The following COL28A1 variants were observed in gnomAD, a reference collection of about 807,000 sequenced individuals.
COL28A1 encodes collagen alpha-1(XXVIII) chain.
COL28A1 carries 161 observed loss-of-function variants against 150.2 expected under a neutral mutation model. That is an observed-to-expected ratio of 1.07 (90% CI 0.94 to 1.22). COL28A1 has a LOEUF of 1.22. Ranked by LOEUF, COL28A1 falls within the 50% of genes most tolerant of loss-of-function variation. The pLI is 0.00. For missense variants in COL28A1, 1,617 were observed against 1,388.3 expected, an observed-to-expected ratio of 1.16 and a Z score of -2.62; for synonymous variants, 552 against 469.7, an observed-to-expected ratio of 1.18 and a Z score of -2.26.
chr7:7,503,817 G>C (rs1435230484), intron 11 of COL28A1, among the ~76,000 whole-genome samples: 1 of 152,140 alleles, frequency 6.6e-6, no homozygotes, highest in East Asian at 1.9e-4. Flanking sequence ...TGACTAGAAA[G>C]AAAAGGGGGA....
chr7:7,409,710 T>C (rs929637142), intron 27 of COL28A1, among the ~76,000 whole-genome samples: 8 of 152,330 alleles, frequency 5.3e-5, no homozygotes, highest in African/African-American at 1.9e-4. Context: ...GAAACTATAG[T>C]AAACCTTGAG....
At chr7:7,383,521 C>T (rs998109305) in intron 27 of COL28A1, among the ~76,000 whole-genome samples, 1 of 151,820 alleles carries the variant, frequency 6.6e-6, no homozygotes, top group Admixed American at 6.6e-5. Flanking sequence ...TTAGGTGATT[C>T]ACCTGCCTCG....
Position 7,531,605 on chromosome 7 carries a change from T to C in COL28A1, c.424A>G (p.Arg142Gly), listed in dbSNP as rs576001045. 2.5e-6 allele frequency: 4 copies of C among 1,605,554 alleles called. No individual in the cohort carries two copies. The highest frequency in any genetic ancestry group is 1.3e-5 in the African/African-American group (1 of 74,914). ...TTACGCCCTTCTCTCTTAAGTAGCC[T>C]AGTGGCATTGGAAATGGCATAATAA... is the stretch of plus-strand genomic sequence containing the variant. ...FSYYAISNAT[R>G]LLKREGRKDG... The change falls in exon 3 of 35, where the codon AGG becomes GGG. Residue 142 changes from arginine (R) to glycine (G), a missense_variant. Physicochemically the swap from Arg to Gly is moderately radical, Grantham distance 125. Coordinates refer to ENST00000399429, the MANE Select transcript of COL28A1 (RefSeq NM_001037763.3).
intron 27 of COL28A1, among the ~76,000 whole-genome samples, chr7:7,404,734 A>G (rs1487030714): frequency 6.6e-6 from 1 of 152,048 alleles, no homozygotes; most frequent in East Asian, 1.9e-4. Flanking sequence ...CTTCTAACAT[A>G]CTATATAATG....
At position 7,375,438 on chromosome 7, in the gene COL28A1, T is replaced by C. The variant is rs773197229; in HGVS notation, c.2359+23A>G. On this transcript the variant is annotated intron_variant, in intron 31 of 34. Transcript: ENST00000399429. ...GTGGGGCTGATGCTTTAAAGTGATG[T>C]TTTTTCCTTGATCAAATCTTACCAC... 15 of 1,567,762 alleles carry C rather than the reference T, an allele frequency of 9.6e-6. No individual in the cohort carries two copies. The South Asian group carries it at 1.4e-4, about 15-fold the overall frequency.
intron 3 of COL28A1, among the ~76,000 whole-genome samples, chr7:7,529,802 G>C (rs913296860): frequency 9.2e-5 from 14 of 152,216 alleles, no homozygotes; most frequent in African/African-American, 3.1e-4. Flanking sequence ...ACGGGCTGGA[G>C]CCCTCTGTTT....
In COL28A1 at chr7:7,517,784, T is replaced by C. The variant is rs1394237635; in HGVS notation, c.855+12A>G. ...TCACTTTCTTAGGAAGGCATTCCAG[T>C]TGTGTACATACCCCTGGACCTCTTT... On this transcript the variant is annotated intron_variant, in intron 7 of 34. Coordinates refer to ENST00000399429, the MANE Select transcript of COL28A1 (RefSeq NM_001037763.3). The C allele has an allele frequency of 1.2e-6, 2 of 1,613,658 alleles. No homozygotes were observed. The highest frequency in any genetic ancestry group is 1.7e-6 in the Non-Finnish European group (2 of 1,179,618).
intron 11 of COL28A1, among the ~76,000 whole-genome samples, chr7:7,501,932 G>A (rs1429091872): frequency 6.6e-6 from 1 of 152,086 alleles, no homozygotes; most frequent in Non-Finnish European, 1.5e-5. Flanking sequence ...GTCTCGCTCT[G>A]TCACCCCAGC....
chr7:7,347,917 A>G, the COL28A1 span, among the ~76,000 whole-genome samples: 1 of 152,084 alleles, frequency 6.6e-6, no homozygotes, highest in Non-Finnish European at 1.5e-5. Context: ...CTCCTCATGT[A>G]GGCAATGGGG....
At chr7:7,378,047 C>T (rs1041965728) in intron 30 of COL28A1, among the ~76,000 whole-genome samples, 1 of 152,220 alleles carries the variant, frequency 6.6e-6, no homozygotes, top group Middle Eastern at 3.4e-3. Flanking sequence ...CAGCTTGAGT[C>T]TGGCTGAGTC....
intron 4 of COL28A1, 157 bp from the exon 5 acceptor site, chr7:7,522,118 C>G: frequency 1.5e-6 from 1 of 684,664 alleles, no homozygotes. Flanking sequence ...GGAGCACTCT[C>G]AAAGAAATTT....
chr7:7,351,762 T>C (rs1253892485), downstream of COL28A1, among the ~76,000 whole-genome samples: 2 of 152,112 alleles, frequency 1.3e-5, no homozygotes, highest in African/African-American at 4.8e-5. Flanking sequence ...TGTGTGTATG[T>C]GTGTGTATGA....
rs1780370803 is a variant in COL28A1, at chr7:7,498,993, C to A, written c.1026+7021G>T. On this transcript the variant is annotated intron_variant, in intron 11 of 34. Transcript: ENST00000399429. ...GCTATTTGGGAATAGAAATCATCTA[C>A]CTTGAAGCTATTGGCTGACATCCCA... Among the ~76,000 whole-genome samples the A allele has an allele frequency of 2.6e-5, 4 of 152,110 alleles. No homozygotes were observed. In the South Asian group the frequency reaches 8.3e-4, roughly 32 times the overall value.
intron 33 of COL28A1, among the ~76,000 whole-genome samples, chr7:7,365,461 G>A (rs1357259428): frequency 6.6e-6 from 1 of 152,112 alleles, no homozygotes; most frequent in African/African-American, 2.4e-5. Flanking sequence ...AAGCAGACGT[G>A]TTATCACCAT....
upstream of COL28A1, among the ~76,000 whole-genome samples, chr7:7,540,576 T>G (rs1425928585): frequency 2.6e-5 from 4 of 152,370 alleles, no homozygotes; most frequent in East Asian, 7.7e-4. Context: ...TGCATCAAAG[T>G]GGCCATCTTT....
chr7:7,408,162 T>C (rs1281796520), intron 27 of COL28A1, among the ~76,000 whole-genome samples: 1 of 152,112 alleles, frequency 6.6e-6, no homozygotes, highest in Non-Finnish European at 1.5e-5. Flanking sequence ...ATTACAGCCG[T>C]GCTCATGATT....
intron 25 of COL28A1, among the ~76,000 whole-genome samples, chr7:7,422,416 G>A (rs1784425686): frequency 6.6e-6 from 1 of 152,042 alleles, no homozygotes; most frequent in African/African-American, 2.4e-5. Context: ...GGATCACATG[G>A]TCAGGAGTTT....
At chr7:7,529,056 C>T (rs1028736665) in intron 3 of COL28A1, among the ~76,000 whole-genome samples, 10 of 152,124 alleles carry the variant, frequency 6.6e-5, no homozygotes, top group East Asian at 5.8e-4. Flanking sequence ...AATCCCAACA[C>T]TTTGGGAGGC....
intron 11 of COL28A1, among the ~76,000 whole-genome samples, chr7:7,493,853 C>T (rs1283902071): frequency 6.6e-6 from 1 of 150,770 alleles, no homozygotes; most frequent in Non-Finnish European, 1.5e-5. Context: ...CTTAGCAACA[C>T]ACACACACAC....
Sources: gnomAD v4.1 joint callset for allele counts (sites outside exome capture counted in the v4.1 genomes callset) on GRCh38, gnomAD v4.1.1 for gene constraint, MANE v1.5 for transcripts, NCBI Gene and HGNC (gene_info 2026-07-23, HGNC 2026-07-21) for gene names.